MGAT4C: variants seen among roughly 807,000 people sequenced by gnomAD.
The protein encoded by MGAT4C is alpha-1,3-mannosyl-glycoprotein 4-beta-N-acetylglucosaminyltransferase C.
A neutral mutation model predicts 40.1 loss-of-function variants in MGAT4C; 19 were observed. The ratio of observed to expected loss-of-function variants is 0.47; its 90% CI spans 0.33 to 0.70. MGAT4C has a LOEUF of 0.70. Among genes scored for constraint, MGAT4C ranks in the 30% least tolerant of loss-of-function variants. MGAT4C has a pLI of 0.02. For missense variants in MGAT4C, 491 were observed against 563.2 expected (o/e 0.87, Z 1.30); for synonymous variants, 181 against 187.1 (o/e 0.97, Z 0.27).
chr12:86,346,155 CA>C (rs1212762052), intron 3 of MGAT4C, among the ~76,000 whole-genome samples: 1 of 152,134 alleles, frequency 6.6e-6, no homozygotes, highest in East Asian at 1.9e-4. Flanking sequence ...TAATATGCAG[CA>C]TCAGAAGAAG....
intron 3 of MGAT4C, among the ~76,000 whole-genome samples, chr12:86,354,703 G>A (rs1955267212): frequency 6.6e-6 from 1 of 152,170 alleles, no homozygotes; most frequent in South Asian, 2.1e-4. Flanking sequence ...GAACTTGAAT[G>A]TAAGTTTGAA....
chr12:86,814,203 A>AT (rs1374744692), intron 1 of MGAT4C, among the ~76,000 whole-genome samples: 1 of 151,052 alleles, frequency 6.6e-6, no homozygotes, highest in Admixed American at 6.6e-5. Flanking sequence ...CAAATTATTT[A>AT]TTTTTTAAGC....
chr12:86,209,745 C>T (rs1408442658), intron 1 of MGAT4C, among the ~76,000 whole-genome samples: 1 of 152,146 alleles, frequency 6.6e-6, no homozygotes, highest in Non-Finnish European at 1.5e-5. Flanking sequence ...AAAGATCTAG[C>T]TTGGCACAAA....
At chr12:86,260,836 G>C (rs1161591682), upstream of MGAT4C, among the ~76,000 whole-genome samples, 1 of 151,830 alleles carries the variant, frequency 6.6e-6, no homozygotes, top group African/African-American at 2.4e-5. Flanking sequence ...TTTAGTACTT[G>C]CTAATTGGTA....
intron 1 of MGAT4C, among the ~76,000 whole-genome samples, chr12:86,208,486 T>C (rs1435653543): frequency 1.3e-5 from 2 of 152,068 alleles, no homozygotes; most frequent in East Asian, 3.9e-4. Flanking sequence ...CAACAAAACG[T>C]GTAAATCCTT....
intron 2 of MGAT4C, among the ~76,000 whole-genome samples, chr12:86,505,785 A>G (rs1352830005): frequency 6.6e-6 from 1 of 152,200 alleles, no homozygotes; most frequent in African/African-American, 2.4e-5. Context: ...TAAAATTTAC[A>G]TACATGTAAT....
intron 2 of MGAT4C, among the ~76,000 whole-genome samples, chr12:86,693,413 C>A (rs1156354489): frequency 6.6e-6 from 1 of 151,988 alleles, no homozygotes; most frequent in Non-Finnish European, 1.5e-5. Flanking sequence ...AATTGGAGGC[C>A]AAACTATGAA....
chr12:86,556,538 C>A (rs4280066), intron 2 of MGAT4C, among the ~76,000 whole-genome samples: 129,470 of 152,118 alleles, frequency 0.85, 55,623 homozygotes, highest in East Asian at 0.96. Context: ...CCAGGATTCC[C>A]TTGACATTAC....
At chr12:86,104,370 A>G (rs1014028014) in intron 1 of MGAT4C, among the ~76,000 whole-genome samples, 4 of 152,012 alleles carry the variant, frequency 2.6e-5, no homozygotes, top group Non-Finnish European at 2.9e-5. Context: ...AGCCTAGGAG[A>G]CAGAGGTTAC....
intron 1 of MGAT4C, among the ~76,000 whole-genome samples, chr12:86,236,285 C>T (rs540959693): frequency 1.6e-3 from 251 of 152,172 alleles, no homozygotes; most frequent in South Asian, 4.8e-3. Flanking sequence ...ACTCAGCCCT[C>T]CCATACTAAT....
At chr12:86,381,227 C>A (rs542446940) in intron 3 of MGAT4C, among the ~76,000 whole-genome samples, 1 of 152,098 alleles carries the variant, frequency 6.6e-6, no homozygotes, top group Non-Finnish European at 1.5e-5. Context: ...ATTAAAAAAA[C>A]CAAAAGGGGT....
intron 1 of MGAT4C, among the ~76,000 whole-genome samples, chr12:86,092,421 ATTG>A (rs1232824127): frequency 4.6e-5 from 7 of 152,182 alleles, no homozygotes; most frequent in Admixed American, 3.9e-4. Context: ...CTATTATCCT[ATTG>A]TTTATCTGAG....
At chr12:86,396,199 T>G (rs1036743504) in intron 3 of MGAT4C, among the ~76,000 whole-genome samples, 15 of 152,186 alleles carry the variant, frequency 9.9e-5, no homozygotes, top group South Asian at 2.1e-4. Flanking sequence ...GAGCATATTT[T>G]AAAATATTGA....
chr12:86,446,301 GA>G (rs1957333358), intron 2 of MGAT4C, among the ~76,000 whole-genome samples: 1 of 151,860 alleles, frequency 6.6e-6, no homozygotes, highest in African/African-American at 2.4e-5. Flanking sequence ...AAAGTCATTT[GA>G]ATAATTACTC....
intron 2 of MGAT4C, among the ~76,000 whole-genome samples, chr12:86,441,343 T>TTATTATTATTA (rs1565764809): frequency 2.0e-5 from 3 of 150,026 alleles, no homozygotes; most frequent in African/African-American, 7.3e-5. Context: ...TATTATTATT[T>TTATTATTATTA]TTATTATTAT....
chr12:86,094,989 G>A (rs1873634101), intron 1 of MGAT4C, among the ~76,000 whole-genome samples: 1 of 152,138 alleles, frequency 6.6e-6, no homozygotes, highest in African/African-American at 2.4e-5. Context: ...GAGAATGTTA[G>A]CTATGTTCCC....
chr12:86,001,521 T>G (rs1887293121), intron 2 of MGAT4C: 3 of 533,442 alleles, frequency 5.6e-6, no homozygotes, highest in Non-Finnish European at 4.8e-6. Context: ...TCACTTCTGG[T>G]TGATTGATGG....
intron 2 of MGAT4C, among the ~76,000 whole-genome samples, chr12:86,575,182 T>C (rs923935385): frequency 6.6e-6 from 1 of 151,816 alleles, no homozygotes; most frequent in Non-Finnish European, 1.5e-5. Flanking sequence ...AAAATTATTT[T>C]TCTTAAGCCA....
chr12:86,809,893 C>T (rs2136214532), intron 1 of MGAT4C, among the ~76,000 whole-genome samples: 1 of 152,062 alleles, frequency 6.6e-6, no homozygotes, highest in African/African-American at 2.4e-5. Context: ...TTGTCTATGT[C>T]TATGAAAATT....
Sources: allele counts gnomAD v4.1 joint callset (sites outside exome capture counted in the v4.1 genomes callset), GRCh38; gene constraint gnomAD v4.1.1; transcripts MANE v1.5; gene names NCBI Gene and HGNC (gene_info 2026-07-23, HGNC 2026-07-21).